UBAC2: variants seen among roughly 807,000 people sequenced by gnomAD.
The protein encoded by UBAC2 is ubiquitin-associated domain-containing protein 2.
Under a neutral mutation model 44.0 loss-of-function variants are expected in UBAC2, and 26 were observed. The observed-to-expected ratio is 0.59, with a 90% CI of 0.43 to 0.82. The LOEUF is 0.82. Among genes scored for constraint, UBAC2 ranks in the 40% least tolerant of loss-of-function variants. The pLI, the probability that UBAC2 is intolerant of heterozygous loss-of-function variation, is 0.00. For synonymous variants in UBAC2, 155 were observed against 154.3 expected (o/e 1.00, Z -0.04); for missense variants, 329 against 419.4 (o/e 0.78, Z 1.88).
chr13:99,334,113 A>G (rs2086985273), intron 6 of UBAC2, among the ~76,000 whole-genome samples: 1 of 151,854 alleles, frequency 6.6e-6, no homozygotes, highest in Admixed American at 6.6e-5. Context: ...TGCCCAGCTA[A>G]TTCTTTTTAT....
At chr13:99,244,935 C>T (rs936224932) in intron 4 of UBAC2, among the ~76,000 whole-genome samples, 9 of 152,024 alleles carry the variant, frequency 5.9e-5, no homozygotes, top group Admixed American at 2.0e-4. Flanking sequence ...CGGGTTCAAG[C>T]GATTCTCCTG....
chr13:99,208,503 G>A (rs147487984), intron 1 of UBAC2, among the ~76,000 whole-genome samples: 3 of 152,242 alleles, frequency 2.0e-5, no homozygotes, highest in African/African-American at 7.2e-5. Context: ...GGTGATAGAA[G>A]TCTTGAAATG....
chr13:99,286,742 G>A (rs920468610), intron 4 of UBAC2, among the ~76,000 whole-genome samples: 4 of 152,084 alleles, frequency 2.6e-5, no homozygotes, highest in Admixed American at 6.5e-5. Flanking sequence ...CCACTTATAC[G>A]TACAAACATG....
Position 99,367,826 on chromosome 13 carries a change from C to T in UBAC2, c.847C>T (p.Arg283Cys), listed in dbSNP as rs746522982. Residue 283 changes from arginine (R) to cysteine (C), a missense_variant, in exon 8 of 9, where the codon CGT (arginine) becomes TGT (cysteine). Coordinates refer to ENST00000403766, the MANE Select transcript of UBAC2 (RefSeq NM_001144072.2). ...TTGGAATCGTCTTTTTCCTCCTTTA[C>T]GTCAGCGACAAAACGTAAACTATCA... ...INWNRLFPPLRQRQNVNYQGG... is the reference protein window; with the variant it reads ...INWNRLFPPLCQRQNVNYQGG... The T allele has an allele frequency of 3.1e-6, 5 of 1,613,828 alleles. No homozygotes were observed. The highest frequency in any genetic ancestry group is 2.2e-5 in the East Asian group (1 of 44,898).
At chr13:99,238,122 C>A (rs372866249) in intron 1 of UBAC2, among the ~76,000 whole-genome samples, 1 of 152,212 alleles carries the variant, frequency 6.6e-6, no homozygotes, top group Non-Finnish European at 1.5e-5. Context: ...TTCTCTATTT[C>A]TTTACACTTG....
chr13:99,260,440 G>C (rs1005656501), intron 4 of UBAC2, among the ~76,000 whole-genome samples: 1 of 152,122 alleles, frequency 6.6e-6, no homozygotes, highest in Non-Finnish European at 1.5e-5. Flanking sequence ...TAAATGTCTG[G>C]GCCTTGAGTC....
chr13:99,254,971 A>G (rs2043517639), intron 4 of UBAC2: 1 of 1,614,166 alleles, frequency 6.2e-7, no homozygotes, highest in South Asian at 1.1e-5. Context: ...ACGGTATAGC[A>G]TGACACTAAT....
chr13:99,353,567 A>G (rs1459693960), intron 7 of UBAC2, among the ~76,000 whole-genome samples: 1 of 152,234 alleles, frequency 6.6e-6, no homozygotes. Context: ...TGTAAAAGTT[A>G]TCAGTAATCC....
At chr13:99,299,868 GA>G (rs1255063755) in intron 4 of UBAC2, among the ~76,000 whole-genome samples, 1 of 152,156 alleles carries the variant, frequency 6.6e-6, no homozygotes, top group Non-Finnish European at 1.5e-5. Flanking sequence ...TTTTGCACAG[GA>G]AAAAAATTGG....
chr13:99,238,598 T>C (rs757045113), intron 2 of UBAC2, 44 bp downstream of exon 2: 1 of 1,454,144 alleles, frequency 6.9e-7, no homozygotes, highest in Non-Finnish European at 9.1e-7. Context: ...GCGGACAGTT[T>C]TTTTTTTTTC....
chr13:99,255,236 T>C, intron 4 of UBAC2: 4 of 1,614,050 alleles, frequency 2.5e-6, no homozygotes, highest in Non-Finnish European at 3.4e-6. Flanking sequence ...TGAAGGAGAT[T>C]ATGAATAATG....
At chr13:99,333,808 G>A (rs919404404) in intron 6 of UBAC2, among the ~76,000 whole-genome samples, 1 of 152,150 alleles carries the variant, frequency 6.6e-6, no homozygotes, top group Admixed American at 6.5e-5. Flanking sequence ...GGAGAGTGAA[G>A]ATCTTTAACC....
At position 99,201,250 on chromosome 13, in the gene UBAC2, C is replaced by T. The variant is rs973460096; in HGVS notation, c.31+311C>T. Reference sequence around the variant, plus strand: ...CAGGTGCCCTGGTGTTCTCGTGGGCCGGCCCCAGGCCCTTTGCGGAGCGTG... The same window carrying T: ...CAGGTGCCCTGGTGTTCTCGTGGGCTGGCCCCAGGCCCTTTGCGGAGCGTG... On this transcript the variant is annotated intron_variant, in intron 1 of 8. Coordinates refer to ENST00000403766, the MANE Select transcript of UBAC2 (RefSeq NM_001144072.2). 5 of 1,434,272 alleles carry T rather than the reference C, an allele frequency of 3.5e-6. No homozygotes were observed. In the African/African-American group the frequency reaches 5.7e-5, roughly 16 times the overall value. 88.8% of individuals were successfully genotyped at this position (1,434,272 alleles called of 1,614,324 possible).
chr13:99,296,003 C>T, intron 4 of UBAC2: 1 of 1,611,596 alleles, frequency 6.2e-7, no homozygotes, highest in Non-Finnish European at 8.5e-7. Context: ...TAGTAAGTTT[C>T]CCACGAGCCC....
rs3031439 is a variant in UBAC2 at position 99,347,319 on chromosome 13, G to GC, written c.807+6769dup. 1.4e-3 allele frequency among the ~76,000 whole-genome samples: 28 copies of GC among 20,548 alleles called. 4 individuals are homozygous for GC. Among genetic ancestry groups the GC allele is most frequent in the South Asian group, 2.5e-3 (2 of 814 alleles). The allele number at this position is 20,548 out of a possible 152,430, so 13.5% of individuals were successfully genotyped here. A position where few individuals can be genotyped will look rare whatever the true frequency, so the allele number is the denominator to read the frequency against. On this transcript the variant is annotated intron_variant, in intron 7 of 8. Transcript: ENST00000403766. ...GATTCAGACGTTACTATCCCCGGGC[G>GC]CCCCCCCCCCCCCCCAGGAAAAAAA... is the stretch of plus-strand genomic sequence containing the variant.
At chr13:99,325,759 A>G (rs1415858358) in intron 6 of UBAC2, among the ~76,000 whole-genome samples, 2 of 152,186 alleles carry the variant, frequency 1.3e-5, no homozygotes, top group Non-Finnish European at 2.9e-5. Context: ...TGACTATCTT[A>G]TATACCTCAT....
In UBAC2 at chr13:99,346,547, G is replaced by A. The variant is rs373160006; in HGVS notation, c.807+5982G>A. Reference sequence around the variant, plus strand: ...TTAACTGCTGCTCATATTGTTTCACGCAGTCTCACCTTTACATCTTCCCTT... The same window carrying A: ...TTAACTGCTGCTCATATTGTTTCACACAGTCTCACCTTTACATCTTCCCTT... On this transcript the variant is annotated intron_variant, in intron 7 of 8. Transcript: ENST00000403766. Among the ~76,000 whole-genome samples, 6 of 152,284 alleles carry A rather than the reference G, an allele frequency of 3.9e-5. No homozygotes were observed. In the South Asian group the frequency reaches 6.2e-4, roughly 16 times the overall value.
intron 4 of UBAC2, chr13:99,307,398 G>GT (rs2044351677): frequency 6.6e-6 from 1 of 152,118 alleles, no homozygotes; most frequent in African/African-American, 2.4e-5. Context: ...CCAAACTGAA[G>GT]TAAGTTTTAA....
rs138918610 is a variant in UBAC2, at chr13:99,375,441, C to T, written c.927+7535C>T. ...TGCCAGTTGCTATGACAGCAGTGGGCGAGGCAGGCCCAGCACATCTGGGCT... is the reference window on the plus strand; with the variant it reads ...TGCCAGTTGCTATGACAGCAGTGGGTGAGGCAGGCCCAGCACATCTGGGCT... On this transcript the variant is annotated intron_variant, in intron 8 of 8. Transcript: ENST00000403766. Among the ~76,000 whole-genome samples the T allele has an allele frequency of 8.2e-3, 1,245 of 152,112 alleles. 11 individuals are homozygous for T. The highest frequency in any genetic ancestry group is 0.057 in the South Asian group (272 of 4,800).
Sources: gnomAD v4.1 joint callset for allele counts (sites outside exome capture counted in the v4.1 genomes callset) on GRCh38, gnomAD v4.1.1 for gene constraint, MANE v1.5 for transcripts, NCBI Gene and HGNC (gene_info 2026-07-23, HGNC 2026-07-21) for gene names.